The following PCDH11X variants were observed in gnomAD, a reference collection of about 807,000 sequenced individuals.
PCDH11X encodes the protein protocadherin 11 X-linked, also known as protocadherin-11 X-linked.
Under a neutral mutation model 53.3 loss-of-function variants are expected in PCDH11X, and 18 were observed. The observed-to-expected ratio is 0.34, with a 90% CI of 0.23 to 0.50. PCDH11X has a LOEUF of 0.50. Ranked by LOEUF, PCDH11X falls within the 20% of genes least tolerant of loss-of-function variation. The pLI, the probability that PCDH11X is intolerant of heterozygous loss-of-function variation, is 0.98. For missense variants in PCDH11X, 570 were observed against 1,032.4 expected (o/e 0.55, Z 6.14); for synonymous variants, 279 against 393.3 (o/e 0.71, Z 3.44).
chrX:92,093,655 C>T (rs773937846), intron 6 of PCDH11X, among the ~76,000 whole-genome samples: 2 of 111,151 alleles, frequency 1.8e-5, no homozygotes, highest in South Asian at 3.8e-4. Flanking sequence ...TCTATGCATG[C>T]TCAGCCCTTT....
At chrX:91,920,367 C>T (rs994862238) in intron 6 of PCDH11X, among the ~76,000 whole-genome samples, 1 of 109,354 alleles carries the variant, frequency 9.1e-6, no homozygotes, top group Non-Finnish European at 1.9e-5. Context: ...TTCTCTAGAG[C>T]CTTCTATAAG....
At chrX:92,098,600 A>C (rs1307732980) in intron 6 of PCDH11X, among the ~76,000 whole-genome samples, 1 of 97,817 alleles carries the variant, frequency 1.0e-5, no homozygotes, top group East Asian at 3.3e-4. Flanking sequence ...AAATCCACTG[A>C]GCTGGTTGTG....
At chrX:92,226,636 T>G (rs1312663299) in intron 7 of PCDH11X, among the ~76,000 whole-genome samples, 2 of 111,418 alleles carry the variant, frequency 1.8e-5, no homozygotes, top group Non-Finnish European at 3.8e-5. Context: ...GTTTAATGAC[T>G]AGCTTTGGGG....
At chrX:91,964,784 C>G (rs2061842267) in intron 6 of PCDH11X, among the ~76,000 whole-genome samples, 1 of 111,769 alleles carries the variant, frequency 8.9e-6, no homozygotes, top group African/African-American at 3.3e-5. Context: ...TCTGGCCTAG[C>G]AACATGTGGT....
chrX:91,882,835 G>A lies in PCDH11X; in HGVS notation c.3033+3562G>A, dbSNP rs113765670. On this transcript the variant is annotated intron_variant, in intron 6 of 10. Transcript: ENST00000682573. ...TGGTAATGCAAATTTTAACCATGAA[G>A]CATGCTTGGCAAATGAAACTCCTAG... is the stretch of plus-strand genomic sequence containing the variant. 1,266 of 1,159,106 alleles carry A rather than the reference G, an allele frequency of 1.1e-3. 9 individuals carry two copies. In the African/African-American group the frequency reaches 0.02, roughly 19 times the overall value.
chrX:91,864,171 G>A (rs762216534), intron 5 of PCDH11X, among the ~76,000 whole-genome samples: 1 of 110,992 alleles, frequency 9.0e-6, no homozygotes, highest in African/African-American at 3.3e-5. Flanking sequence ...TTTCTTGTAG[G>A]GCAGATCTCG....
At chrX:92,507,259 T>C (rs2074080258) in intron 10 of PCDH11X, among the ~76,000 whole-genome samples, 1 of 111,484 alleles carries the variant, frequency 9.0e-6, no homozygotes, top group Non-Finnish European at 1.9e-5. Flanking sequence ...TTTTGTCTTC[T>C]GCTAGCTTTG....
chrX:91,948,687 A>C lies in PCDH11X; in HGVS notation c.3033+69414A>C, dbSNP rs757299112. On this transcript the variant is annotated intron_variant, in intron 6 of 10. Transcript: ENST00000682573. ...TTGCAATAGGTGTAGGGACCACTGC[A>C]ATGGGAACTTTCGGTGCAGTGGGGA... Among the ~76,000 whole-genome samples the C allele has an allele frequency of 4.6e-5, 5 of 109,131 alleles. No homozygotes were observed. The South Asian group carries it at 2.0e-3, about 44-fold the overall frequency. 94.8% of individuals were successfully genotyped at this position (109,131 alleles called of 115,157 possible).
In PCDH11X at chrX:92,620,722, A is replaced by C. The variant is rs1183333596; in HGVS notation, c.*1782A>C. ...ATTCCCATCCATTGTAAAGTTCCTT[A>C]AGTCATATTTGACTGGGCGTGCAGA... On this transcript the variant is annotated 3_prime_UTR_variant, in exon 11 of 11. Coordinates refer to ENST00000682573, the MANE Select transcript of PCDH11X (RefSeq NM_032968.5). The C allele has an allele frequency of 9.1e-6, 1 of 110,348 alleles. No individual in the cohort carries two copies. Among genetic ancestry groups the C allele is most frequent in the Non-Finnish European group, 1.9e-5 (1 of 52,833 alleles). 9.1% of individuals were successfully genotyped at this position (110,348 alleles called of 1,213,427 possible). A position where few individuals can be genotyped will look rare whatever the true frequency, so the allele number is the denominator to read the frequency against.
intron 10 of PCDH11X, among the ~76,000 whole-genome samples, chrX:92,559,101 T>C (rs1291422697): frequency 9.0e-6 from 1 of 111,322 alleles, no homozygotes; most frequent in Non-Finnish European, 1.9e-5. Flanking sequence ...ACTTAGTAGA[T>C]GTGTGGGAAG....
intron 1 of PCDH11X, among the ~76,000 whole-genome samples, chrX:91,809,100 T>G (rs1322523442): frequency 9.2e-6 from 1 of 108,618 alleles, no homozygotes; most frequent in East Asian, 2.9e-4. Flanking sequence ...ATTCTTCTTC[T>G]GTCTTTGCCT....
At chrX:91,923,126 C>T (rs1485609440) in intron 6 of PCDH11X, among the ~76,000 whole-genome samples, 3 of 106,678 alleles carry the variant, frequency 2.8e-5, no homozygotes, top group Non-Finnish European at 5.8e-5. Context: ...GTATGTTAGG[C>T]ATAATTATGA....
At chrX:91,957,269 C>T (rs755277165) in intron 6 of PCDH11X, among the ~76,000 whole-genome samples, 1 of 110,294 alleles carries the variant, frequency 9.1e-6, no homozygotes, top group African/African-American at 3.3e-5. Flanking sequence ...ATTCAGCCGT[C>T]TCAGCTTCAG....
chrX:91,854,608 A>G (rs1199508088), intron 5 of PCDH11X, among the ~76,000 whole-genome samples: 1 of 112,389 alleles, frequency 8.9e-6, no homozygotes, highest in African/African-American at 3.2e-5. Context: ...ACTAATTTAC[A>G]TTCCCACAAA....
intron 9 of PCDH11X, among the ~76,000 whole-genome samples, chrX:92,447,299 T>C (rs1300474841): frequency 1.8e-5 from 2 of 110,576 alleles, no homozygotes; most frequent in Admixed American, 9.6e-5. Flanking sequence ...ATGTGAGAGG[T>C]CTTCGTGGAA....
intron 6 of PCDH11X, among the ~76,000 whole-genome samples, chrX:92,050,646 G>C (rs5942116): frequency 3.8e-5 from 4 of 106,411 alleles, no homozygotes; most frequent in African/African-American, 1.4e-4. Context: ...GTTAACCTAA[G>C]TACCAGCAAA....
At chrX:92,134,787 G>T (rs1337974928) in intron 6 of PCDH11X, among the ~76,000 whole-genome samples, 3 of 111,467 alleles carry the variant, frequency 2.7e-5, no homozygotes, top group Non-Finnish European at 5.6e-5. Context: ...TCATGGCACT[G>T]GGGGGAATGT....
intron 6 of PCDH11X, among the ~76,000 whole-genome samples, chrX:91,974,252 T>C (rs2062016070): frequency 9.1e-6 from 1 of 109,924 alleles, no homozygotes; most frequent in Non-Finnish European, 1.9e-5. Flanking sequence ...TTGAGAAATA[T>C]ATAAAAGCTC....
At chrX:92,438,519 T>TC (rs749349143) in intron 9 of PCDH11X, among the ~76,000 whole-genome samples, 20 of 110,814 alleles carry the variant, frequency 1.8e-4, no homozygotes, top group Non-Finnish European at 2.8e-4. Context: ...TCTCAACTCC[T>TC]CCCCACCTCT....
Sources: allele counts gnomAD v4.1 joint callset (sites outside exome capture counted in the v4.1 genomes callset), GRCh38; gene constraint gnomAD v4.1.1; transcripts MANE v1.5; gene names NCBI Gene and HGNC (gene_info 2026-07-23, HGNC 2026-07-21).